The following DLGAP1 variants were observed in gnomAD, a reference collection of about 807,000 sequenced individuals.
DLGAP1 encodes the protein disks large-associated protein 1.
A neutral mutation model predicts 90.8 loss-of-function variants in DLGAP1; 11 were observed. That is an observed-to-expected ratio of 0.12 (90% CI 0.08 to 0.20). The LOEUF is 0.20. Among genes scored for constraint, DLGAP1 ranks in the 10% least tolerant of loss-of-function variants. The probability of loss-of-function intolerance (pLI) is 1.00; values close to 1 mark genes in which losing one functional copy is unlikely to be tolerated. For synonymous variants in DLGAP1, 558 were observed against 540.7 expected (o/e 1.03, Z -0.44); for missense variants, 1,050 against 1,333.8 (o/e 0.79, Z 3.31).
intron 7 of DLGAP1, among the ~76,000 whole-genome samples, chr18:3,692,278 G>GT (rs11411882): frequency 0.29 from 44,023 of 151,710 alleles, 6,505 homozygotes; most frequent in South Asian, 0.34. Context: ...TTTTTGGAGT[G>GT]TTTTTTTTGT....
At chr18:4,253,058 T>C (rs1212837909) in intron 1 of DLGAP1, among the ~76,000 whole-genome samples, 1 of 152,210 alleles carries the variant, frequency 6.6e-6, no homozygotes, top group Non-Finnish European at 1.5e-5. Context: ...ATTGCTGCAG[T>C]ATGCGGTGTT....
intron 5 of DLGAP1, among the ~76,000 whole-genome samples, chr18:3,744,797 T>C (rs2063201049): frequency 6.6e-6 from 1 of 152,168 alleles, no homozygotes; most frequent in Non-Finnish European, 1.5e-5. Context: ...CTGCCCACCT[T>C]GGCCTCCCAA....
chr18:3,637,979 C>T (rs1287333397), intron 7 of DLGAP1, among the ~76,000 whole-genome samples: 1 of 129,932 alleles, frequency 7.7e-6, no homozygotes, highest in African/African-American at 3.1e-5. Context: ...CGGAGTCTGG[C>T]TCTGTTGCCC....
chr18:4,101,739 C>A lies in DLGAP1; in HGVS notation c.-159+49441G>T, dbSNP rs140851374. On this transcript the variant is annotated intron_variant, in intron 2 of 12. Transcript: ENST00000315677. ...CCATTGAAATTAATTTATTTTTTAACCTTCCAGTGTTTCCTAATGCCAATA... is the reference window on the plus strand; with the variant it reads ...CCATTGAAATTAATTTATTTTTTAAACTTCCAGTGTTTCCTAATGCCAATA... 3.8e-3 allele frequency among the ~76,000 whole-genome samples: 577 copies of A among 152,024 alleles called. 2 individuals are homozygous for A. The highest frequency in any genetic ancestry group is 0.026 in the South Asian group (127 of 4,810).
intron 1 of DLGAP1, among the ~76,000 whole-genome samples, chr18:4,203,073 G>C (rs2077638643): frequency 6.6e-6 from 1 of 152,024 alleles, no homozygotes; most frequent in Admixed American, 6.5e-5. Flanking sequence ...TCAGGAGTTC[G>C]AGACCAGCCT....
At chr18:4,222,255 T>C (rs1028228510) in intron 1 of DLGAP1, among the ~76,000 whole-genome samples, 1 of 152,196 alleles carries the variant, frequency 6.6e-6, no homozygotes, top group African/African-American at 2.4e-5. Flanking sequence ...TGATATTCAA[T>C]ATGCCCCAAA....
intron 1 of DLGAP1, among the ~76,000 whole-genome samples, chr18:4,220,026 G>A (rs2078042767): frequency 6.6e-6 from 1 of 152,008 alleles, no homozygotes; most frequent in Non-Finnish European, 1.5e-5. Flanking sequence ...AGATGACATT[G>A]GAATTTTGAT....
At chr18:4,216,152 C>G (rs2077950017) in intron 1 of DLGAP1, among the ~76,000 whole-genome samples, 1 of 152,046 alleles carries the variant, frequency 6.6e-6, no homozygotes, top group Admixed American at 6.6e-5. Context: ...GGGAAGCAAA[C>G]ACGTCCTTCT....
At chr18:3,640,716 G>A (rs1324705928) in intron 7 of DLGAP1, among the ~76,000 whole-genome samples, 1 of 152,176 alleles carries the variant, frequency 6.6e-6, no homozygotes, top group East Asian at 1.9e-4. Flanking sequence ...GGAGCAACCC[G>A]GCAGTTTCCT....
intron 5 of DLGAP1, among the ~76,000 whole-genome samples, chr18:3,795,440 T>G (rs1240805592): frequency 6.6e-6 from 1 of 151,826 alleles, no homozygotes; most frequent in Non-Finnish European, 1.5e-5. Context: ...CTCAGCCTCC[T>G]GAGTAGCTGG....
chr18:3,681,390 A>C (rs1342467199), intron 7 of DLGAP1, among the ~76,000 whole-genome samples: 3 of 152,250 alleles, frequency 2.0e-5, no homozygotes, highest in Non-Finnish European at 2.9e-5. Flanking sequence ...TGTGATGCTA[A>C]TAAAAGTGTA....
At chr18:3,528,992 G>A (rs2051820596) in intron 10 of DLGAP1, among the ~76,000 whole-genome samples, 1 of 152,174 alleles carries the variant, frequency 6.6e-6, no homozygotes, top group Non-Finnish European at 1.5e-5. Context: ...TTCTGTGGCA[G>A]GTGCCCATCT....
In DLGAP1 at chr18:4,413,757, T is replaced by A. The variant is rs926322298; in HGVS notation, c.-267+41249A>T. ...TGGCTCAAAGGAAAGATAAAAGGGTTTCTGGAGAAATGATAATGTTCTCTT... is the reference window on the plus strand; with the variant it reads ...TGGCTCAAAGGAAAGATAAAAGGGTATCTGGAGAAATGATAATGTTCTCTT... On this transcript the variant is annotated intron_variant, in intron 1 of 12. Transcript: ENST00000315677. Among the ~76,000 whole-genome samples, 22 of 152,184 alleles carry A rather than the reference T, an allele frequency of 1.4e-4. 1 individual carries two copies. The highest frequency in any genetic ancestry group is 4.3e-4 in the African/African-American group (18 of 41,448).
intron 7 of DLGAP1, among the ~76,000 whole-genome samples, chr18:3,705,727 C>T (rs957210527): frequency 1.3e-5 from 2 of 151,574 alleles, no homozygotes; most frequent in Non-Finnish European, 2.9e-5. Context: ...GGCTCGATCT[C>T]GGCTCACTAC....
chr18:4,098,914 T>C (rs989894018), intron 2 of DLGAP1, among the ~76,000 whole-genome samples: 1 of 152,210 alleles, frequency 6.6e-6, no homozygotes, highest in Non-Finnish European at 1.5e-5. Flanking sequence ...AGTCTGAACA[T>C]GAACCTAAGG....
chr18:4,056,897 C>T (rs564978885), intron 2 of DLGAP1, among the ~76,000 whole-genome samples: 20 of 152,118 alleles, frequency 1.3e-4, no homozygotes, highest in East Asian at 1.2e-3. Flanking sequence ...CAAGCACATC[C>T]GGATGATAAC....
intron 1 of DLGAP1, among the ~76,000 whole-genome samples, chr18:4,395,538 A>G (rs1598349908): frequency 6.6e-6 from 1 of 152,168 alleles, no homozygotes; most frequent in African/African-American, 2.4e-5. Context: ...GTTCTCTGTA[A>G]AGATCATTAA....
At chr18:4,005,855 A>C (rs746956031) in intron 2 of DLGAP1, among the ~76,000 whole-genome samples, 1 of 152,112 alleles carries the variant, frequency 6.6e-6, no homozygotes, top group Admixed American at 6.5e-5. Context: ...ATGTATTGGT[A>C]ATTTTTTTTT....
intron 1 of DLGAP1, among the ~76,000 whole-genome samples, chr18:4,438,563 C>T (rs1055118629): frequency 2.0e-5 from 3 of 151,942 alleles, no homozygotes; most frequent in Admixed American, 6.6e-5. Context: ...TCCACTATCC[C>T]CATTCATTTC....
Sources: allele counts gnomAD v4.1 joint callset (sites outside exome capture counted in the v4.1 genomes callset), GRCh38; gene constraint gnomAD v4.1.1; transcripts MANE v1.5; gene names NCBI Gene and HGNC (gene_info 2026-07-23, HGNC 2026-07-21).